The following GPC6 variants were observed in gnomAD, a reference collection of about 807,000 sequenced individuals.
GPC6 encodes the protein glypican-6.
Under a neutral mutation model 55.2 loss-of-function variants are expected in GPC6, and 14 were observed. That is an observed-to-expected ratio of 0.25 (90% CI 0.17 to 0.40). GPC6 has a LOEUF of 0.40. Ranked by LOEUF, GPC6 falls within the 10% of genes least tolerant of loss-of-function variation. GPC6 has a pLI of 1.00. For missense variants in GPC6, 641 were observed against 708.5 expected (o/e 0.90, Z 1.08); for synonymous variants, 278 against 259.6 (o/e 1.07, Z -0.68).
chr13:94,393,211 A>G (rs1880740101), intron 7 of GPC6, among the ~76,000 whole-genome samples: 1 of 152,186 alleles, frequency 6.6e-6, no homozygotes, highest in Non-Finnish European at 1.5e-5. Context: ...GAAAATGACC[A>G]CAGTGAATAT....
chr13:93,391,480 C>T (rs762748504), intron 1 of GPC6, among the ~76,000 whole-genome samples: 4 of 152,260 alleles, frequency 2.6e-5, no homozygotes, highest in Middle Eastern at 3.4e-3. Context: ...AATAAATCCA[C>T]GACTTGGTTG....
In GPC6 at chr13:93,363,010, A is replaced by G. The variant is rs150207120; in HGVS notation, c.160+135394A>G. Among the ~76,000 whole-genome samples the G allele has an allele frequency of 2.1e-3, 316 of 152,014 alleles. No homozygotes were observed. In the East Asian group the frequency reaches 0.041, roughly 20 times the overall value. Reference sequence around the variant, plus strand: ...TTCAACATTATACTGATGAACGACTATTTTTTAAATGGCTGCAAAATGTAT... The same window carrying G: ...TTCAACATTATACTGATGAACGACTGTTTTTTAAATGGCTGCAAAATGTAT... On this transcript the variant is annotated intron_variant, in intron 1 of 8. Transcript: ENST00000377047.
intron 4 of GPC6, among the ~76,000 whole-genome samples, chr13:94,138,557 T>A (rs1344447253): frequency 6.6e-6 from 1 of 152,214 alleles, no homozygotes; most frequent in Non-Finnish European, 1.5e-5. Context: ...CTTCATCTTT[T>A]CAGCCACAAA....
intron 1 of GPC6, among the ~76,000 whole-genome samples, chr13:93,240,489 A>G (rs1415969062): frequency 6.6e-6 from 1 of 151,906 alleles, no homozygotes; most frequent in Non-Finnish European, 1.5e-5. Flanking sequence ...ATTTGTGTGG[A>G]ATATTTTGTT....
chr13:93,734,835 C>T (rs1025410157), intron 2 of GPC6, among the ~76,000 whole-genome samples: 1 of 152,114 alleles, frequency 6.6e-6, no homozygotes, highest in East Asian at 1.9e-4. Context: ...AGAAACTACA[C>T]AATTAATAAC....
chr13:94,373,358 G>C (rs1879678330), intron 6 of GPC6, among the ~76,000 whole-genome samples: 2 of 151,918 alleles, frequency 1.3e-5, no homozygotes, highest in African/African-American at 4.8e-5. Flanking sequence ...CCAATACAGA[G>C]AAGTGCTTAA....
intron 2 of GPC6, among the ~76,000 whole-genome samples, chr13:93,720,224 T>C (rs1242512904): frequency 6.7e-6 from 1 of 149,412 alleles, no homozygotes; most frequent in Non-Finnish European, 1.5e-5. Flanking sequence ...GTTGGTAGGC[T>C]ATTACTGCCT....
At chr13:93,640,501 T>C (rs541326870) in intron 2 of GPC6, among the ~76,000 whole-genome samples, 1 of 151,960 alleles carries the variant, frequency 6.6e-6, no homozygotes, top group African/African-American at 2.4e-5. Flanking sequence ...CCTAAGTGCA[T>C]CCTCTTAACC....
intron 2 of GPC6, among the ~76,000 whole-genome samples, chr13:93,772,942 C>T (rs1885350188): frequency 6.6e-6 from 1 of 152,082 alleles, no homozygotes; most frequent in African/African-American, 2.4e-5. Context: ...AAGTTGTTAT[C>T]ATCTAAAAAA....
At chr13:94,172,680 T>C (rs375796028) in intron 4 of GPC6, among the ~76,000 whole-genome samples, 2 of 152,204 alleles carry the variant, frequency 1.3e-5, no homozygotes, top group East Asian at 3.8e-4. Context: ...AAAATGTCAA[T>C]AAATCTTGCT....
rs1881834610 is a variant in GPC6, at chr13:93,530,726, CA to C, written c.161-14533del. The stretch of plus-strand genomic sequence containing the variant: ...ATGTTAAAATAAAAATGGTGGACCC[CA>C]AAATACTGTCAGTTTCTAATTATTT... On this transcript the variant is annotated intron_variant, in intron 1 of 8. Coordinates refer to ENST00000377047, the MANE Select transcript of GPC6 (RefSeq NM_005708.5). 2.0e-5 allele frequency among the ~76,000 whole-genome samples: 3 copies of C among 152,022 alleles called. No homozygotes were observed. In the South Asian group the frequency reaches 6.2e-4, roughly 32 times the overall value.
At chr13:93,400,313 A>G (rs1160614108) in intron 1 of GPC6, among the ~76,000 whole-genome samples, 3 of 147,510 alleles carry the variant, frequency 2.0e-5, no homozygotes, top group African/African-American at 7.5e-5. Context: ...TTCAGTGCCA[A>G]CAAAACTTGG....
chr13:93,456,868 C>T (rs1198683394), intron 1 of GPC6, among the ~76,000 whole-genome samples: 1 of 152,016 alleles, frequency 6.6e-6, no homozygotes, highest in Non-Finnish European at 1.5e-5. Flanking sequence ...TTGGCTGTGT[C>T]CCCACCCGAA....
intron 5 of GPC6, among the ~76,000 whole-genome samples, chr13:94,293,919 G>C (rs369532475): frequency 6.6e-6 from 1 of 152,130 alleles, no homozygotes; most frequent in Admixed American, 6.6e-5. Context: ...TACCCACAGC[G>C]TACTATATAT....
intron 4 of GPC6, among the ~76,000 whole-genome samples, chr13:94,254,402 G>A (rs1176200626): frequency 6.6e-6 from 1 of 152,076 alleles, no homozygotes; most frequent in African/African-American, 2.4e-5. Flanking sequence ...GAATTATTCA[G>A]TGTGGGTCAA....
At chr13:93,502,901 T>A (rs1880574299) in intron 1 of GPC6, among the ~76,000 whole-genome samples, 2 of 152,080 alleles carry the variant, frequency 1.3e-5, no homozygotes, top group Admixed American at 6.6e-5. Flanking sequence ...ATACTATAGA[T>A]GTAACTAACT....
At chr13:93,375,031 A>G (rs918281006) in intron 1 of GPC6, among the ~76,000 whole-genome samples, 1 of 152,148 alleles carries the variant, frequency 6.6e-6, no homozygotes, top group Non-Finnish European at 1.5e-5. Context: ...CAGTTCTTCC[A>G]TTCGTCTGTC....
chr13:94,344,927 A>G (rs1878214877), intron 6 of GPC6, among the ~76,000 whole-genome samples: 1 of 152,352 alleles, frequency 6.6e-6, no homozygotes, highest in Admixed American at 6.5e-5. Flanking sequence ...GTTGAATTAA[A>G]GTTGTTCCTG....
At chr13:93,542,735 A>T (rs1471601109) in intron 1 of GPC6, among the ~76,000 whole-genome samples, 1 of 152,076 alleles carries the variant, frequency 6.6e-6, no homozygotes, top group Non-Finnish European at 1.5e-5. Flanking sequence ...GAAGAGGTCC[A>T]TCACGTCCCT....
Sources: gnomAD v4.1 joint callset for allele counts (sites outside exome capture counted in the v4.1 genomes callset) on GRCh38, gnomAD v4.1.1 for gene constraint, MANE v1.5 for transcripts, NCBI Gene and HGNC (gene_info 2026-07-23, HGNC 2026-07-21) for gene names.